Variants in NOS1AP observed in about 807,000 individuals in gnomAD.
NOS1AP encodes carboxyl-terminal PDZ ligand of neuronal nitric oxide synthase protein.
NOS1AP carries 21 observed loss-of-function variants against 56.2 expected under a neutral mutation model. The observed-to-expected ratio is 0.37, with a 90% confidence interval of 0.26 to 0.54. The LOEUF is 0.54. NOS1AP is among the 20% of genes least tolerant of loss of function. The pLI is 0.84. For missense variants in NOS1AP, 522 were observed against 657.8 expected (o/e 0.79, Z 2.26); for synonymous variants, 270 against 274.6 (o/e 0.98, Z 0.17).
At chr1:162,258,948 G>C (rs1654120543) in intron 2 of NOS1AP, among the ~76,000 whole-genome samples, 1 of 152,142 alleles carries the variant, frequency 6.6e-6, no homozygotes, top group African/African-American at 2.4e-5. Context: ...TAGGACCTCT[G>C]ATGGCTAATT....
chr1:162,143,013 G>A (rs1405889183), intron 1 of NOS1AP, among the ~76,000 whole-genome samples: 6 of 152,126 alleles, frequency 3.9e-5, no homozygotes, highest in Non-Finnish European at 8.8e-5. Flanking sequence ...CTGCACTGCA[G>A]ACCCCACATT....
intron 2 of NOS1AP, among the ~76,000 whole-genome samples, chr1:162,174,075 T>C (rs1014198147): frequency 5.3e-5 from 8 of 152,128 alleles, no homozygotes; most frequent in Non-Finnish European, 4.4e-5. Flanking sequence ...ACCCAAAGGA[T>C]TATAAATCAT....
rs1647261511 is a variant in NOS1AP, at chr1:162,368,770, C to T, written c.*1303C>T. On this transcript the variant is annotated 3_prime_UTR_variant, in exon 10 of 10. Coordinates refer to ENST00000361897, the MANE Select transcript of NOS1AP (RefSeq NM_014697.3). ...GATTTTCAAATGCCTGAAGAGATTGCTGAGACCTGCTAGAGTCATATGTTC... is the reference window on the plus strand; with the variant it reads ...GATTTTCAAATGCCTGAAGAGATTGTTGAGACCTGCTAGAGTCATATGTTC... 6.6e-6 allele frequency: 1 copy of T among 152,246 alleles called. No individual in the cohort carries two copies. Among genetic ancestry groups the T allele is most frequent in the South Asian group, 2.1e-4 (1 of 4,836 alleles). 9.4% of individuals were successfully genotyped at this position (152,246 alleles called of 1,614,324 possible).
chr1:162,288,637 T>TCCA (rs1655164725), intron 3 of NOS1AP, among the ~76,000 whole-genome samples: 3 of 152,254 alleles, frequency 2.0e-5, no homozygotes, highest in African/African-American at 7.2e-5. Flanking sequence ...CCTCTCTGGA[T>TCCA]GTTTACAAAG....
At chr1:162,192,124 G>A (rs1651666333) in intron 2 of NOS1AP, among the ~76,000 whole-genome samples, 1 of 152,166 alleles carries the variant, frequency 6.6e-6, no homozygotes, top group Non-Finnish European at 1.5e-5. Flanking sequence ...TTAGAAATGT[G>A]GAGTTTCAGG....
chr1:162,218,724 G>A (rs1358451820), intron 2 of NOS1AP, among the ~76,000 whole-genome samples: 3 of 152,172 alleles, frequency 2.0e-5, no homozygotes, highest in African/African-American at 7.2e-5. Context: ...GCCTATTAGA[G>A]CGGAGGAGGG....
intron 2 of NOS1AP, among the ~76,000 whole-genome samples, chr1:162,199,443 C>CCTCTCCA (rs1237323569): frequency 1.3e-5 from 2 of 152,176 alleles, no homozygotes; most frequent in African/African-American, 4.8e-5. Flanking sequence ...ATGTCCCTGT[C>CCTCTCCA]CTCTCCACTG....
intron 1 of NOS1AP, among the ~76,000 whole-genome samples, chr1:162,098,401 C>G (rs1571007629): frequency 6.6e-6 from 1 of 152,098 alleles, no homozygotes; most frequent in East Asian, 1.9e-4. Flanking sequence ...GCCACTGCAT[C>G]TGGCTGATAG....
chr1:162,330,323 G>A (rs562285865), intron 4 of NOS1AP, among the ~76,000 whole-genome samples: 1 of 152,194 alleles, frequency 6.6e-6, no homozygotes, highest in African/African-American at 2.4e-5. Flanking sequence ...CACTGTGCTG[G>A]CACTGGGGAT....
chr1:162,220,640 A>G (rs890412608), intron 2 of NOS1AP, among the ~76,000 whole-genome samples: 19 of 152,122 alleles, frequency 1.2e-4, no homozygotes, highest in African/African-American at 3.9e-4. Context: ...ATGCTTTATC[A>G]GGTCTTCTAT....
chr1:162,226,296 A>G (rs1652938545), intron 2 of NOS1AP, among the ~76,000 whole-genome samples: 1 of 152,094 alleles, frequency 6.6e-6, no homozygotes, highest in African/African-American at 2.4e-5. Context: ...AGAAAAGAAA[A>G]GAAATGTTTA....
At chr1:162,159,017 G>A (rs1158383243) in intron 2 of NOS1AP, among the ~76,000 whole-genome samples, 1 of 152,218 alleles carries the variant, frequency 6.6e-6, no homozygotes, top group African/African-American at 2.4e-5. Context: ...GTCTGACACT[G>A]GCGCCGCTTG....
chr1:162,346,099 C>G (rs1382487405), intron 6 of NOS1AP, among the ~76,000 whole-genome samples: 4 of 152,144 alleles, frequency 2.6e-5, no homozygotes, highest in Non-Finnish European at 4.4e-5. Flanking sequence ...GAGGGAATCC[C>G]TATGGAGAAA....
chr1:162,291,494 A>G (rs902212588), intron 3 of NOS1AP, among the ~76,000 whole-genome samples: 1 of 152,082 alleles, frequency 6.6e-6, no homozygotes, highest in Non-Finnish European at 1.5e-5. Context: ...TTAAAAGGAA[A>G]AAAAAAAAGG....
chr1:162,314,013 G>A (rs1198580003), intron 4 of NOS1AP, among the ~76,000 whole-genome samples: 1 of 152,216 alleles, frequency 6.6e-6, no homozygotes, highest in Non-Finnish European at 1.5e-5. Flanking sequence ...TTAGTGTATA[G>A]TAGGTGCTCA....
chr1:162,125,671 A>T (rs753696278), intron 1 of NOS1AP, among the ~76,000 whole-genome samples: 2 of 152,134 alleles, frequency 1.3e-5, no homozygotes, highest in Non-Finnish European at 2.9e-5. Context: ...TTTGGTTACT[A>T]TAGCCTTGTA....
chr1:162,256,347 T>G (rs2101699435), intron 2 of NOS1AP, among the ~76,000 whole-genome samples: 1 of 152,338 alleles, frequency 6.6e-6, no homozygotes, highest in Non-Finnish European at 1.5e-5. Flanking sequence ...TTACATTGGC[T>G]TCTGGGCTGA....
chr1:162,343,696 G>A lies in NOS1AP; in HGVS notation c.454-139G>A, dbSNP rs778065610. On this transcript the variant is annotated intron_variant, in intron 5 of 9. Coordinates refer to ENST00000361897, the MANE Select transcript of NOS1AP (RefSeq NM_014697.3). ...CTGGAGTATTTCAGAAAGGGGAAAT[G>A]TCTTTGCACTCATTTGTATGTGCAT... 3 of 923,976 alleles carry A rather than the reference G, an allele frequency of 3.2e-6. No homozygotes were observed. The East Asian group carries it at 7.4e-5, about 23-fold the overall frequency. 57.2% of individuals were successfully genotyped at this position (923,976 alleles called of 1,614,324 possible). A position where few individuals can be genotyped will look rare whatever the true frequency, so the allele number is the denominator to read the frequency against.
intron 2 of NOS1AP, among the ~76,000 whole-genome samples, chr1:162,249,428 A>G (rs1038332697): frequency 2.0e-5 from 3 of 152,192 alleles, no homozygotes; most frequent in African/African-American, 7.2e-5. Context: ...AGAGGGCACC[A>G]TGGGGCAGCT....
Sources: allele counts gnomAD v4.1 joint callset (sites outside exome capture counted in the v4.1 genomes callset), GRCh38; gene constraint gnomAD v4.1.1; transcripts MANE v1.5; gene names NCBI Gene and HGNC (gene_info 2026-07-23, HGNC 2026-07-21).